Variants in FGD5 observed in about 807,000 individuals in gnomAD.
FGD5 encodes the protein FYVE, RhoGEF and PH domain containing 5.
A neutral mutation model predicts 133.4 loss-of-function variants in FGD5; 28 were observed. The ratio of observed to expected loss-of-function variants is 0.21; its 90% CI spans 0.16 to 0.29. The LOEUF (loss-of-function observed/expected upper bound fraction) is 0.29. FGD5 is among the 10% of genes least tolerant of loss of function. The pLI is 1.00. For missense variants in FGD5, 1,858 were observed against 1,895.2 expected, an observed-to-expected ratio of 0.98 and a Z score of 0.36; for synonymous variants, 810 against 776.5, an observed-to-expected ratio of 1.04 and a Z score of -0.72.
At chr3:14,888,644 A>G (rs774617917) in intron 4 of FGD5, among the ~76,000 whole-genome samples, 1 of 152,250 alleles carries the variant, frequency 6.6e-6, no homozygotes, top group Non-Finnish European at 1.5e-5. Flanking sequence ...AGCGCCCTTC[A>G]GGCTCTGACC....
chr3:14,871,788 G>C (rs1169006801), intron 2 of FGD5, among the ~76,000 whole-genome samples: 4 of 152,200 alleles, frequency 2.6e-5, no homozygotes, highest in Non-Finnish European at 5.9e-5. Flanking sequence ...AGTTTCCTCA[G>C]TCAAAAGGGG....
intron 1 of FGD5, among the ~76,000 whole-genome samples, chr3:14,846,568 A>G (rs2125090206): frequency 6.6e-6 from 1 of 152,322 alleles, no homozygotes; most frequent in South Asian, 2.1e-4. Context: ...AACTGCTCAC[A>G]CGGCACCCCA....
At chr3:14,875,280 A>G (rs893054456) in intron 2 of FGD5, among the ~76,000 whole-genome samples, 11 of 152,122 alleles carry the variant, frequency 7.2e-5, no homozygotes, top group Admixed American at 6.5e-4. Flanking sequence ...TGAAACAGCC[A>G]TGGAAGGTGG....
At chr3:14,880,887 G>A in intron 4 of FGD5, 115 bp downstream of exon 4, 3 of 1,350,272 alleles carry the variant, frequency 2.2e-6, no homozygotes, top group Admixed American at 2.0e-5. Flanking sequence ...AGGCCTGGCA[G>A]CAGGCAGGCA....
chr3:14,900,644 C>T (rs2125134803), intron 8 of FGD5, among the ~76,000 whole-genome samples, 191 bp downstream of exon 8: 1 of 152,246 alleles, frequency 6.6e-6, no homozygotes, highest in East Asian at 1.9e-4. Context: ...CCCCTGTCAC[C>T]TCAGCTGTGG....
At chr3:14,874,245 A>C (rs1445675151) in intron 2 of FGD5, among the ~76,000 whole-genome samples, 1 of 151,292 alleles carries the variant, frequency 6.6e-6, no homozygotes, top group Non-Finnish European at 1.5e-5. Context: ...AGGGCCAGGC[A>C]TGGTGGCTCA....
chr3:14,868,263 C>T (rs931051934), intron 2 of FGD5, among the ~76,000 whole-genome samples: 3 of 152,044 alleles, frequency 2.0e-5, no homozygotes, highest in African/African-American at 7.2e-5. Context: ...AGCAGCCCCT[C>T]CCAGGGACCC....
chr3:14,847,753 G>T lies in FGD5; in HGVS notation c.2526-16375G>T, dbSNP rs1192968134. Among the ~76,000 whole-genome samples, 12 of 152,300 alleles carry T rather than the reference G, an allele frequency of 7.9e-5. 1 individual carries two copies. The East Asian group carries it at 2.3e-3, about 29-fold the overall frequency. Reference sequence around the variant, plus strand: ...CTGGCTGGAGACTGAGCTCCTCCCGGGTGTTCTCACCTTCGAGAGCTCAGT... The same window carrying T: ...CTGGCTGGAGACTGAGCTCCTCCCGTGTGTTCTCACCTTCGAGAGCTCAGT... On this transcript the variant is annotated intron_variant, in intron 1 of 19. Transcript: ENST00000285046.
chr3:14,919,966 A>G (rs1168371964), intron 13 of FGD5, among the ~76,000 whole-genome samples: 1 of 152,182 alleles, frequency 6.6e-6, no homozygotes, highest in Non-Finnish European at 1.5e-5. Context: ...GGACACAAAC[A>G]TTTAGACCAC....
At chr3:14,925,950 C>A in intron 17 of FGD5, 120 bp from the exon 18 acceptor site, 1 of 1,315,128 alleles carries the variant, frequency 7.6e-7, no homozygotes, top group Non-Finnish European at 1.0e-6. Flanking sequence ...AGACCTTATC[C>A]AGTGTCAAAG....
intron 1 of FGD5, among the ~76,000 whole-genome samples, chr3:14,827,680 A>T (rs1490482371): frequency 2.0e-5 from 3 of 152,044 alleles, no homozygotes; most frequent in African/African-American, 7.2e-5. Context: ...CATCAATAAG[A>T]CGAGCTTTCC....
intron 17 of FGD5, among the ~76,000 whole-genome samples, chr3:14,924,549 A>G (rs972950796): frequency 1.3e-5 from 2 of 152,162 alleles, no homozygotes; most frequent in Non-Finnish European, 2.9e-5. Context: ...CTCCGCAGGA[A>G]ACTTCAGAAC....
intron 10 of FGD5, 146 bp downstream of exon 10, chr3:14,907,857 A>T (rs967917849): frequency 1.3e-6 from 1 of 758,384 alleles, no homozygotes; most frequent in African/African-American, 1.8e-5. Flanking sequence ...GCGTGGGCTC[A>T]CTGGATTCTC....
chr3:14,879,928 G>T (rs759100954), intron 2 of FGD5, among the ~76,000 whole-genome samples: 1 of 152,234 alleles, frequency 6.6e-6, no homozygotes, highest in Admixed American at 6.5e-5. Context: ...GGTTGCTCAA[G>T]ATTGGTGGGG....
At chr3:14,909,031 C>T (rs998716574) in intron 10 of FGD5, among the ~76,000 whole-genome samples, 8 of 151,668 alleles carry the variant, frequency 5.3e-5, no homozygotes, top group East Asian at 1.9e-4. Flanking sequence ...GGCTGGAGTG[C>T]GATCTTGGCT....
At chr3:14,854,433 A>T (rs2125097141) in intron 1 of FGD5, among the ~76,000 whole-genome samples, 1 of 87,690 alleles carries the variant, frequency 1.1e-5, no homozygotes, top group South Asian at 2.9e-4. Context: ...TTATTTATTT[A>T]TTGAGACGAG....
chr3:14,836,622 G>A (rs1393340571), intron 1 of FGD5, among the ~76,000 whole-genome samples: 1 of 152,170 alleles, frequency 6.6e-6, no homozygotes, highest in East Asian at 1.9e-4. Flanking sequence ...CACCCAGGCT[G>A]TCTGAACCCC....
intron 2 of FGD5, among the ~76,000 whole-genome samples, chr3:14,870,405 C>T (rs1182856372): frequency 6.6e-6 from 1 of 152,212 alleles, no homozygotes; most frequent in Non-Finnish European, 1.5e-5. Context: ...CTGCACAACC[C>T]TCTTGATACC....
At chr3:14,839,359 A>G (rs970430070) in intron 1 of FGD5, among the ~76,000 whole-genome samples, 2 of 152,138 alleles carry the variant, frequency 1.3e-5, no homozygotes, top group African/African-American at 2.4e-5. Flanking sequence ...TAGTAGCTCT[A>G]TTTGTGGTCT....
Sources: gnomAD v4.1 joint callset for allele counts (sites outside exome capture counted in the v4.1 genomes callset) on GRCh38, gnomAD v4.1.1 for gene constraint, MANE v1.5 for transcripts, NCBI Gene and HGNC (gene_info 2026-07-23, HGNC 2026-07-21) for gene names.